Variants in LRIF1 observed in about 807,000 individuals in gnomAD.
LRIF1 encodes the protein ligand-dependent nuclear receptor-interacting factor 1.
In LRIF1, 32 loss-of-function variants were observed where a neutral mutation model predicts 52.7. The ratio of observed to expected loss-of-function variants is 0.61; its 90% CI spans 0.46 to 0.82. The LOEUF is 0.82. LRIF1 is among the 40% of genes least tolerant of loss of function. The probability of loss-of-function intolerance (pLI) is 0.00; values close to 1 mark genes in which losing one functional copy is unlikely to be tolerated. For missense variants in LRIF1, 887 were observed against 892.0 expected (o/e 0.99, Z 0.07); for synonymous variants, 323 against 317.4 (o/e 1.02, Z -0.19).
rs1248019848 is a variant in LRIF1, at chr1:110,947,506, A to C, written c.*453T>G. On this transcript the variant is annotated 3_prime_UTR_variant, in exon 4 of 4. Coordinates refer to ENST00000369763, the MANE Select transcript of LRIF1 (RefSeq NM_018372.4). ...GTGAATACAAGGTATCATCATTTTA[A>C]GGGTAAAGAGATAAAGCAAGTACAT... is the stretch of plus-strand genomic sequence containing the variant. 6.5e-6 allele frequency: 1 copy of C among 152,976 alleles called. No individual in the cohort carries two copies. The highest frequency in any genetic ancestry group is 2.4e-5 in the African/African-American group (1 of 41,460). 9.5% of individuals were successfully genotyped at this position (152,976 alleles called of 1,614,324 possible).
chr1:110,917,176 A>T, the LRIF1 span, among the ~76,000 whole-genome samples: 1 of 152,204 alleles, frequency 6.6e-6, no homozygotes, highest in Non-Finnish European at 1.5e-5. Context: ...TTTCTCCTGC[A>T]GGACACCTAC....
the LRIF1 span, chr1:110,894,889 C>T: frequency 7.6e-6 from 9 of 1,184,282 alleles, no homozygotes; most frequent in African/African-American, 9.0e-5. Context: ...CTAACCTATA[C>T]TGGAAATTCC....
Position 110,963,761 on chromosome 1 carries a change from G to A in LRIF1, c.-73C>T. 8.2e-7 allele frequency: 1 copy of A among 1,221,520 alleles called. No individual in the cohort carries two copies. The highest frequency in any genetic ancestry group is 1.2e-6 in the Non-Finnish European group (1 of 851,460). 75.7% of individuals were successfully genotyped at this position (1,221,520 alleles called of 1,614,324 possible). A position where few individuals can be genotyped will look rare whatever the true frequency, so the allele number is the denominator to read the frequency against. ...GGGGCCGAGTTTCCCAATGGGGCGA[G>A]AACCAGAGCGAGGGAATGTTGGGCT... On this transcript the variant is annotated 5_prime_UTR_variant, in exon 1 of 4. Transcript: ENST00000369763.
In LRIF1 at chr1:110,951,544, A is replaced by G; in HGVS notation, c.1340T>C (p.Val447Ala). Residue 447 changes from valine to alanine, a missense_variant, in exon 2 of 4, where the codon GTG (valine) becomes GCG (alanine). Coordinates refer to ENST00000369763, the MANE Select transcript of LRIF1 (RefSeq NM_018372.4). Reference sequence around the variant, plus strand: ...TGTGGTAGAAGGAGATGGTTTCTCCACTTTATTCTTCTCTGCCCTTAGATT... The same window carrying G: ...TGTGGTAGAAGGAGATGGTTTCTCCGCTTTATTCTTCTCTGCCCTTAGATT... Reference protein sequence around the residue: ...MANLRAEKNKVEKPSPSTTNP... With the variant: ...MANLRAEKNKAEKPSPSTTNP... The G allele has an allele frequency of 1.2e-6, 2 of 1,614,152 alleles. No homozygotes were observed. Among genetic ancestry groups the G allele is most frequent in the Non-Finnish European group, 1.7e-6 (2 of 1,180,026 alleles).
the LRIF1 span, among the ~76,000 whole-genome samples, chr1:110,934,485 G>C: frequency 2.0e-5 from 3 of 152,198 alleles, no homozygotes; most frequent in Non-Finnish European, 4.4e-5. Flanking sequence ...GTGATTCTCA[G>C]GCTGGGCAAG....
chr1:110,892,331 A>G, the LRIF1 span: 5 of 1,609,676 alleles, frequency 3.1e-6, no homozygotes, highest in African/African-American at 6.7e-5. Context: ...ATGTTGTGGG[A>G]TTCTTCCTTT....
chr1:110,905,674 C>T, the LRIF1 span, among the ~76,000 whole-genome samples: 2 of 151,976 alleles, frequency 1.3e-5, no homozygotes, highest in Admixed American at 1.3e-4. Flanking sequence ...TGTTAATGAG[C>T]AATAAGTAAT....
At chr1:110,886,614 C>T in the LRIF1 span, among the ~76,000 whole-genome samples, 3 of 151,798 alleles carry the variant, frequency 2.0e-5, no homozygotes, top group East Asian at 1.9e-4. Context: ...TTTGGGAGGC[C>T]GAGGTGGGTG....
At chr1:110,912,725 C>A in the LRIF1 span, among the ~76,000 whole-genome samples, 1 of 152,152 alleles carries the variant, frequency 6.6e-6, no homozygotes, top group African/African-American at 2.4e-5. Flanking sequence ...TAGATAGGAA[C>A]AATCAATATT....
At chr1:110,895,182 T>G in the LRIF1 span, 2 of 690,034 alleles carry the variant, frequency 2.9e-6, no homozygotes, top group South Asian at 3.3e-5. Context: ...CCCAGAATAA[T>G]GCCTTGGCTA....
rs1387469926 is a variant in LRIF1 at position 110,951,638 on chromosome 1, A to T, written c.1246T>A (p.Leu416Met). ...ATCTGGGAAGATTTACTTTTAGCCA[A>T]AACAATATTTACAACCTCTCTGGAT... ...EISREVVNIV[L>M]AKSKSSQMET... The change falls in exon 2 of 4, where the codon TTG becomes ATG. Residue 416 changes from leucine (L) to methionine (M), a missense_variant. By Grantham distance (15) the Leu-to-Met change is conservative (BLOSUM62 2). Transcript: ENST00000369763. The T allele has an allele frequency of 6.2e-7, 1 of 1,614,118 alleles. No individual in the cohort carries two copies. The highest frequency in any genetic ancestry group is 1.1e-5 in the South Asian group (1 of 91,082).
At chr1:110,951,208 CATAG>C (rs1658459366) in intron 2 of LRIF1, 76 bp downstream of exon 2, 1 of 1,149,680 alleles carries the variant, frequency 8.7e-7, no homozygotes, top group Non-Finnish European at 1.2e-6. Context: ...AAAGAGGTAT[CATAG>C]ATAACTTTGA....
the LRIF1 span, among the ~76,000 whole-genome samples, chr1:110,922,653 C>T: frequency 7.1e-3 from 1,077 of 152,316 alleles, 7 homozygotes; most frequent in South Asian, 0.024. Flanking sequence ...CAAATAAACA[C>T]ACATTGTAGT....
intron 1 of LRIF1, among the ~76,000 whole-genome samples, chr1:110,959,806 AT>A (rs1658873149): frequency 6.6e-6 from 1 of 151,680 alleles, no homozygotes; most frequent in Non-Finnish European, 1.5e-5. Flanking sequence ...TGGTAATGTT[AT>A]ATAACTTCTG....
the LRIF1 span, among the ~76,000 whole-genome samples, chr1:110,926,087 TTA>T: frequency 6.6e-6 from 1 of 152,082 alleles, no homozygotes; most frequent in African/African-American, 2.4e-5. Flanking sequence ...CAAAATTGAT[TTA>T]TAGTTTTAAA....
the LRIF1 span, chr1:110,936,706 A>G: frequency 5.3e-5 from 8 of 152,250 alleles, no homozygotes; most frequent in East Asian, 1.5e-3. Flanking sequence ...CCAGAAAACA[A>G]ATAACAAAAT....
At chr1:110,898,025 C>A in the LRIF1 span, 1 of 503,996 alleles carries the variant, frequency 2.0e-6, no homozygotes, top group Non-Finnish European at 3.5e-6. Flanking sequence ...ATTCCCCCAG[C>A]CAAGTAGCAA....
chr1:110,952,949 A>G, intron 1 of LRIF1, 134 bp from the exon 2 acceptor site: 1 of 406,926 alleles, frequency 2.5e-6, no homozygotes, highest in Admixed American at 4.7e-5. Flanking sequence ...TTTAAAGTGA[A>G]AGACTGCAAA....
rs556489894 is a variant in LRIF1, at chr1:110,962,630, C to T, written c.68+991G>A. On this transcript the variant is annotated intron_variant, in intron 1 of 3. Coordinates refer to ENST00000369763, the MANE Select transcript of LRIF1 (RefSeq NM_018372.4). Reference sequence around the variant, plus strand: ...ACGTATTTTACATTATTTCATTCTCCTAATCTTTAAAATATTTCTAAGTGC... The same window carrying T: ...ACGTATTTTACATTATTTCATTCTCTTAATCTTTAAAATATTTCTAAGTGC... Among the ~76,000 whole-genome samples, 3 of 152,282 alleles carry T rather than the reference C, an allele frequency of 2.0e-5. No homozygotes were observed. In the East Asian group the frequency reaches 5.8e-4, roughly 29 times the overall value.
Sources: allele counts gnomAD v4.1 joint callset (sites outside exome capture counted in the v4.1 genomes callset), GRCh38; gene constraint gnomAD v4.1.1; transcripts MANE v1.5; gene names NCBI Gene and HGNC (gene_info 2026-07-23, HGNC 2026-07-21).